MSL2: variants seen among roughly 807,000 people sequenced by gnomAD.
MSL2 encodes E3 ubiquitin-protein ligase MSL2.
In MSL2, 2 loss-of-function variants were observed where a neutral mutation model predicts 35.8. The observed-to-expected ratio is 0.06, with a 90% CI of 0.02 to 0.18. MSL2 has a LOEUF of 0.18. Ranked by LOEUF, MSL2 falls within the 10% of genes least tolerant of loss-of-function variation. The pLI is 1.00. For synonymous variants in MSL2, 296 were observed against 255.7 expected (o/e 1.16, Z -1.50); for missense variants, 523 against 706.7 (o/e 0.74, Z 2.95).
rs376499371 is a variant in MSL2, at chr3:136,158,478, G to C, written c.143-5740C>G. Among the ~76,000 whole-genome samples the C allele has an allele frequency of 3.4e-4, 52 of 152,046 alleles. No individual in the cohort carries two copies. The South Asian group carries it at 0.01, about 30-fold the overall frequency. Reference sequence around the variant, plus strand: ...AATTGAACTTCTTTAACTTGATGGTGGTGGGCACCAAAAAATCTAAAGCCA... The same window carrying C: ...AATTGAACTTCTTTAACTTGATGGTCGTGGGCACCAAAAAATCTAAAGCCA... On this transcript the variant is annotated intron_variant, in intron 1 of 1. Coordinates refer to ENST00000309993, the MANE Select transcript of MSL2 (RefSeq NM_018133.4).
At chr3:136,174,202 T>C (rs1940105535) in intron 1 of MSL2, among the ~76,000 whole-genome samples, 1 of 152,202 alleles carries the variant, frequency 6.6e-6, no homozygotes, top group Non-Finnish European at 1.5e-5. Context: ...CTAATAAATG[T>C]AAAATGAATT....
intron 1 of MSL2, among the ~76,000 whole-genome samples, chr3:136,189,500 G>A (rs1447220942): frequency 6.7e-6 from 1 of 148,534 alleles, no homozygotes; most frequent in African/African-American, 2.5e-5. Flanking sequence ...GGAGTCGGGC[G>A]GATCACGAGG....
intron 1 of MSL2, among the ~76,000 whole-genome samples, chr3:136,174,054 G>A (rs1940101946): frequency 6.6e-6 from 1 of 152,106 alleles, no homozygotes; most frequent in Non-Finnish European, 1.5e-5. Flanking sequence ...CCCTCAATCT[G>A]TTGAAAAAGC....
chr3:136,185,302 A>T (rs1467207090), intron 1 of MSL2, among the ~76,000 whole-genome samples: 1 of 75,300 alleles, frequency 1.3e-5, no homozygotes, highest in Non-Finnish European at 3.0e-5. Flanking sequence ...TAACAAAGCT[A>T]AAAAAAAAAA....
intron 1 of MSL2, among the ~76,000 whole-genome samples, chr3:136,173,475 T>C (rs974218392): frequency 6.6e-6 from 1 of 152,180 alleles, no homozygotes; most frequent in Non-Finnish European, 1.5e-5. Context: ...CTATCATTCA[T>C]TCACAAACTA....
chr3:136,180,655 G>A (rs1044320170), intron 1 of MSL2, among the ~76,000 whole-genome samples: 2 of 149,784 alleles, frequency 1.3e-5, no homozygotes, highest in East Asian at 2.0e-4. Flanking sequence ...AGCCAAGATC[G>A]CACCACTGCA....
At chr3:136,160,979 C>T (rs1007041104) in intron 1 of MSL2, among the ~76,000 whole-genome samples, 11 of 151,850 alleles carry the variant, frequency 7.2e-5, no homozygotes, top group African/African-American at 2.4e-4. Context: ...CCCAGCTACT[C>T]GGGAGGCTGA....
intron 1 of MSL2, among the ~76,000 whole-genome samples, chr3:136,179,226 G>A (rs536632793): frequency 2.0e-5 from 3 of 151,648 alleles, no homozygotes; most frequent in East Asian, 3.9e-4. Flanking sequence ...TCCCTCTATC[G>A]CCCAGGCTGG....
At position 136,189,323 on chromosome 3, in the gene MSL2, AG is replaced by A. The variant is rs1940616751; in HGVS notation, c.142+5648del. ...CGAGAAAATTAAAAAAAAAAAAAAA[AG>A]TTAAGAAAATAGATCTGCTATCTAT... On this transcript the variant is annotated intron_variant, in intron 1 of 1. Transcript: ENST00000309993. Among the ~76,000 whole-genome samples the A allele has an allele frequency of 2.0e-5, 3 of 146,814 alleles. No homozygotes were observed. In the South Asian group the frequency reaches 6.6e-4, roughly 32 times the overall value.
chr3:136,164,881 CT>C (rs397764663), intron 1 of MSL2, among the ~76,000 whole-genome samples: 107 of 147,292 alleles, frequency 7.3e-4, no homozygotes, highest in South Asian at 2.4e-3. Context: ...CACCTTCAGA[CT>C]TTTTTTTTTT....
At chr3:136,194,843 A>G in intron 1 of MSL2, 129 bp downstream of exon 1, 1 of 1,406,232 alleles carries the variant, frequency 7.1e-7, no homozygotes, top group Non-Finnish European at 9.7e-7. Flanking sequence ...AAAACTAATG[A>G]CCGTACAGCG....
chr3:136,153,088 T>TG (rs1403862061), intron 1 of MSL2: 5 of 981,046 alleles, frequency 5.1e-6, no homozygotes, highest in Non-Finnish European at 6.1e-6. Flanking sequence ...TAAAACCCTT[T>TG]GGATAGCCAG....
rs530629374 is a variant in MSL2, at chr3:136,150,455, C to A, written c.*692G>T. On this transcript the variant is annotated 3_prime_UTR_variant, in exon 2 of 2. Coordinates refer to ENST00000309993, the MANE Select transcript of MSL2 (RefSeq NM_018133.4). ...CTCCTTCATTTATCCAATTAGAACACTGCTCAAAGTGAAGGAGGGATTTAG... is the reference window on the plus strand; with the variant it reads ...CTCCTTCATTTATCCAATTAGAACAATGCTCAAAGTGAAGGAGGGATTTAG... 2.6e-5 allele frequency: 4 copies of A among 152,740 alleles called. No homozygotes were observed. Among genetic ancestry groups the A allele is most frequent in the African/African-American group, 9.6e-5 (4 of 41,566 alleles). The allele number at this position is 152,740 out of a possible 1,614,324, so 9.5% of individuals were successfully genotyped here. A position where few individuals can be genotyped will look rare whatever the true frequency, so the allele number is the denominator to read the frequency against.
chr3:136,152,920 T>C (rs750842892), intron 1 of MSL2, 182 bp from the exon 2 acceptor site: 61 of 985,342 alleles, frequency 6.2e-5, no homozygotes, highest in Non-Finnish European at 7.2e-5. Flanking sequence ...CTTGATTTCA[T>C]GCCATATTCC....
At chr3:136,176,746 C>G (rs1426517255) in intron 1 of MSL2, among the ~76,000 whole-genome samples, 1 of 152,074 alleles carries the variant, frequency 6.6e-6, no homozygotes, top group Non-Finnish European at 1.5e-5. Context: ...TGTGATAGGC[C>G]TGCTCCCCTT....
At chr3:136,160,275 CAAAAAAAAAA>C (rs775528119) in intron 1 of MSL2, among the ~76,000 whole-genome samples, 8 of 18,758 alleles carry the variant, frequency 4.3e-4, no homozygotes, top group East Asian at 2.2e-3. Context: ...GACTCTGTCT[CAAAAAAAAAA>C]AAAAAAAAAA....
At chr3:136,180,803 AGGGAGGGAAGGAG>A (rs1940329760) in intron 1 of MSL2, among the ~76,000 whole-genome samples, 2 of 92,278 alleles carry the variant, frequency 2.2e-5, no homozygotes, top group African/African-American at 8.8e-5. Flanking sequence ...GGAGGGAGGG[AGGGAGGGAAGGAG>A]GGAAGGAAGG....
chr3:136,184,540 T>G (rs879818741), intron 1 of MSL2, among the ~76,000 whole-genome samples: 1 of 148,988 alleles, frequency 6.7e-6, no homozygotes, highest in Non-Finnish European at 1.5e-5. Flanking sequence ...GAGGCGGAGG[T>G]TGCAGCGAGC....
At chr3:136,186,245 T>C (rs1437724599) in intron 1 of MSL2, among the ~76,000 whole-genome samples, 3 of 152,210 alleles carry the variant, frequency 2.0e-5, no homozygotes, top group Non-Finnish European at 4.4e-5. Context: ...TCAACACCAT[T>C]GTATAACTGT....
Sources: gnomAD v4.1 joint callset for allele counts (sites outside exome capture counted in the v4.1 genomes callset) on GRCh38, gnomAD v4.1.1 for gene constraint, MANE v1.5 for transcripts, NCBI Gene and HGNC (gene_info 2026-07-23, HGNC 2026-07-21) for gene names.